ANLN: variants seen among roughly 807,000 people sequenced by gnomAD.
ANLN encodes the protein anillin, actin binding protein, also known as anillin.
Under a neutral mutation model 135.1 loss-of-function variants are expected in ANLN, and 59 were observed. The ratio of observed to expected loss-of-function variants is 0.44; its 90% CI spans 0.35 to 0.54. ANLN has a LOEUF of 0.54. Among genes scored for constraint, ANLN ranks in the 20% least tolerant of loss-of-function variants. The probability of loss-of-function intolerance (pLI) is 0.00; values close to 1 mark genes in which losing one functional copy is unlikely to be tolerated. For synonymous variants in ANLN, 406 were observed against 456.4 expected, an observed-to-expected ratio of 0.89 and a Z score of 1.41; for missense variants, 1,182 against 1,340.0, an observed-to-expected ratio of 0.88 and a Z score of 1.84.
chr7:36,406,201 C>G lies in ANLN; in HGVS notation c.508C>G (p.Leu170Val). 6.3e-7 allele frequency: 1 copy of G among 1,595,680 alleles called. No individual in the cohort carries two copies. The highest frequency in any genetic ancestry group is 2.2e-5 in the East Asian group (1 of 44,460). The change falls in exon 4 of 24, where the codon CTC becomes GTC. Residue 170 changes from leucine (L) to valine (V), a missense_variant. Coordinates refer to ENST00000265748, the MANE Select transcript of ANLN (RefSeq NM_018685.5). ...DMTDDIPESS[L>V]FSPMPSEEKA... Reference sequence around the variant, plus strand: ...TTCAGATGACATTCCTGAAAGCTCACTCTTCTCACCAATGCCATCAGAGGA... The same window carrying G: ...TTCAGATGACATTCCTGAAAGCTCAGTCTTCTCACCAATGCCATCAGAGGA...
chr7:36,411,187 A>G (rs1238013001), intron 7 of ANLN, 21 bp downstream of exon 7: 25 of 1,576,192 alleles, frequency 1.6e-5, no homozygotes, highest in Non-Finnish European at 2.1e-5. Context: ...CAAGAAATAT[A>G]AAAACGAACT....
At chr7:36,411,276 ACT>A (rs1787402454) in intron 7 of ANLN, 110 bp downstream of exon 7, 3 of 802,090 alleles carry the variant, frequency 3.7e-6, no homozygotes, top group Non-Finnish European at 3.7e-6. Context: ...TTTCCAATTA[ACT>A]CTGTCACTTT....
intron 22 of ANLN, among the ~76,000 whole-genome samples, chr7:36,444,966 G>T (rs1211253372): frequency 1.3e-5 from 2 of 151,612 alleles, no homozygotes; most frequent in Non-Finnish European, 2.9e-5. Flanking sequence ...CATCCAAAAG[G>T]GCGTAAAATA....
rs140345712 is a variant in ANLN, at chr7:36,426,320, ATTTGT to A, written c.2770+290_2770+294del. The stretch of plus-strand genomic sequence containing the variant: ...TACTTCAACTTCTATTGTTCTATAG[ATTTGT>A]TTTGTGCTTTCCATACTGCAGATTT... On this transcript the variant is annotated intron_variant, in intron 19 of 23. Coordinates refer to ENST00000265748, the MANE Select transcript of ANLN (RefSeq NM_018685.5). Among the ~76,000 whole-genome samples the A allele has an allele frequency of 0.051, 7,780 of 152,192 alleles. 312 individuals are homozygous for A. Among genetic ancestry groups the A allele is most frequent in the Non-Finnish European group, 0.08 (5,457 of 68,000 alleles).
chr7:36,433,509 G>A (rs191153451), intron 20 of ANLN, among the ~76,000 whole-genome samples: 21 of 151,798 alleles, frequency 1.4e-4, no homozygotes, highest in Admixed American at 9.8e-4. Flanking sequence ...ATGTGCCTAC[G>A]TGTAGTTTTC....
At chr7:36,428,328 C>A in intron 20 of ANLN, 1 of 1,280,904 alleles carries the variant, frequency 7.8e-7, no homozygotes, top group South Asian at 1.3e-5. Context: ...TGTAAGAGAG[C>A]GAGAGCTACT....
At chr7:36,420,092 A>C (rs1787811522) in intron 10 of ANLN, 77 bp from the exon 11 acceptor site, 1 of 1,404,326 alleles carries the variant, frequency 7.1e-7, no homozygotes, top group East Asian at 2.4e-5. Context: ...ATATTAATGG[A>C]GAATTCATTG....
At chr7:36,431,451 G>GACAGACACTT (rs1383930558) in intron 20 of ANLN, among the ~76,000 whole-genome samples, 3 of 151,390 alleles carry the variant, frequency 2.0e-5, no homozygotes, top group Admixed American at 2.0e-4. Context: ...CAATAGAAAT[G>GACAGACACTT]ACAGACACTT....
chr7:36,427,563 A>T (rs1252564363), intron 20 of ANLN, among the ~76,000 whole-genome samples: 1 of 152,136 alleles, frequency 6.6e-6, no homozygotes, highest in Non-Finnish European at 1.5e-5. Flanking sequence ...CGTGTTGGCT[A>T]GGCTGGTCTC....
intron 20 of ANLN, among the ~76,000 whole-genome samples, chr7:36,428,776 ATT>A (rs35428425): frequency 2.7e-4 from 31 of 114,570 alleles, no homozygotes; most frequent in Admixed American, 3.9e-4. Flanking sequence ...ATAAAAGCAG[ATT>A]TTTTTTTTTT....
At chr7:36,431,597 G>GTGTGTGTGTC (rs1306528982) in intron 20 of ANLN, among the ~76,000 whole-genome samples, 1 of 27,440 alleles carries the variant, frequency 3.6e-5, no homozygotes, top group Non-Finnish European at 9.1e-5. Context: ...GTGTGTGTGT[G>GTGTGTGTGTC]TATATATATA....
In ANLN at chr7:36,396,447, A is replaced by G. The variant is rs751686851; in HGVS notation, c.172+28A>G. 16 of 1,526,624 alleles carry G rather than the reference A, an allele frequency of 1.0e-5. No homozygotes were observed. The Admixed American group carries it at 3.3e-4, about 31-fold the overall frequency. The allele number at this position is 1,526,624 out of a possible 1,614,324, so 94.6% of individuals were successfully genotyped here. Reference sequence around the variant, plus strand: ...AAAAGACTTTGTGGGGAAAAATAACATTTACTTTTTTTTTCTTTTGAAGGA... The same window carrying G: ...AAAAGACTTTGTGGGGAAAAATAACGTTTACTTTTTTTTTCTTTTGAAGGA... On this transcript the variant is annotated intron_variant, in intron 2 of 23. Transcript: ENST00000265748.
At chr7:36,423,020 A>G (rs1787943620) in intron 14 of ANLN, among the ~76,000 whole-genome samples, 1 of 152,196 alleles carries the variant, frequency 6.6e-6, no homozygotes, top group African/African-American at 2.4e-5. Flanking sequence ...GCTCTTACTG[A>G]AAGTTTGAAT....
chr7:36,405,791 A>G (rs1787161471), intron 3 of ANLN, among the ~76,000 whole-genome samples: 1 of 152,238 alleles, frequency 6.6e-6, no homozygotes, highest in South Asian at 2.1e-4. Context: ...TGGTTACTGT[A>G]TTGAACAATC....
chr7:36,422,859 A>C, intron 14 of ANLN, 50 bp downstream of exon 14: 1 of 1,514,350 alleles, frequency 6.6e-7, no homozygotes, highest in African/African-American at 1.4e-5. Flanking sequence ...AACCTCACCT[A>C]GATTGAATTG....
At position 36,419,384 on chromosome 7, in the gene ANLN, G is replaced by T; in HGVS notation, c.1774G>T (p.Ala592Ser). The stretch of plus-strand genomic sequence containing the variant: ...CCAAGAGGAGATGGATCAAGCATTA[G>T]CAGAAAGCAGCGAAGAACAGGAAGA... ...KSQEEMDQAL[A>S]ESSEEQEDAL... Residue 592 changes from alanine to serine, a missense_variant, in exon 10 of 24, where the codon GCA becomes TCA. Ala to Ser is a moderately conservative substitution (Grantham distance 99). Around this residue, in one of 3 missense-constraint regions of ANLN, gnomAD observed 1,022 missense variants for 1,134.0 expected, o/e 0.90. Transcript: ENST00000265748. The T allele has an allele frequency of 6.2e-7, 1 of 1,614,152 alleles. No individual in the cohort carries two copies. The highest frequency in any genetic ancestry group is 8.5e-7 in the Non-Finnish European group (1 of 1,180,020).
chr7:36,444,417 T>C (rs573465869), intron 22 of ANLN, among the ~76,000 whole-genome samples: 1 of 152,348 alleles, frequency 6.6e-6, no homozygotes, highest in Admixed American at 6.5e-5. Context: ...TGTATATTTT[T>C]CCTTCTTTTC....
At chr7:36,440,965 G>A (rs1056989970) in intron 21 of ANLN, among the ~76,000 whole-genome samples, 5 of 152,122 alleles carry the variant, frequency 3.3e-5, no homozygotes, top group Non-Finnish European at 7.4e-5. Flanking sequence ...ATTAAGGAAA[G>A]CCCGGTGGTC....
chr7:36,397,756 T>C (rs1009727714), intron 2 of ANLN, among the ~76,000 whole-genome samples: 1 of 151,878 alleles, frequency 6.6e-6, no homozygotes, highest in African/African-American at 2.4e-5. Flanking sequence ...CTACAAAAAA[T>C]ACAAAAATTA....
Sources: allele counts gnomAD v4.1 joint callset (sites outside exome capture counted in the v4.1 genomes callset), GRCh38; gene constraint gnomAD v4.1.1; regional missense constraint gnomAD v4.1.1; transcripts MANE v1.5; gene names NCBI Gene and HGNC (gene_info 2026-07-23, HGNC 2026-07-21).